Variants in CYP4Z1 observed in about 807,000 individuals in gnomAD.
The protein encoded by CYP4Z1 is cytochrome P450 family 4 subfamily Z member 1, also known as cytochrome P450 4Z1.
In CYP4Z1, 41 loss-of-function variants were observed where a neutral mutation model predicts 54.2. That is an observed-to-expected ratio of 0.76 (90% CI 0.59 to 0.98). The LOEUF is 0.98. CYP4Z1 is among the 50% of genes least tolerant of loss of function. CYP4Z1 has a pLI of 0.00. For synonymous variants in CYP4Z1, 163 were observed against 206.2 expected, an observed-to-expected ratio of 0.79 and a Z score of 1.79; for missense variants, 513 against 599.0, an observed-to-expected ratio of 0.86 and a Z score of 1.50.
chr1:47,101,257 T>C (rs1644719553), intron 8 of CYP4Z1, among the ~76,000 whole-genome samples: 1 of 152,178 alleles, frequency 6.6e-6, no homozygotes, highest in Non-Finnish European at 1.5e-5. Context: ...TTAGTTCTGC[T>C]CTGATCTTTG....
intron 2 of CYP4Z1, among the ~76,000 whole-genome samples, chr1:47,078,327 T>G (rs370809237): frequency 1.5e-3 from 231 of 152,280 alleles, no homozygotes; most frequent in African/African-American, 3.7e-3. Flanking sequence ...TGAAACCTTA[T>G]GAACTTTTTA....
chr1:47,108,224 C>A (rs1419224340), intron 9 of CYP4Z1, among the ~76,000 whole-genome samples: 1 of 152,112 alleles, frequency 6.6e-6, no homozygotes, highest in Non-Finnish European at 1.5e-5. Flanking sequence ...CCCTCTCATA[C>A]ACACAGGCAC....
rs1644831457 is a variant in CYP4Z1, at chr1:47,116,570, ATTTCGTTTTTGT to A, written c.1267-76_1267-65del. 1.8e-5 allele frequency: 17 copies of A among 919,932 alleles called. No individual in the cohort carries two copies. The South Asian group carries it at 2.4e-4, about 13-fold the overall frequency. 57.0% of individuals were successfully genotyped at this position (919,932 alleles called of 1,614,324 possible). ...GGAATTCTGTTAACAATATCTATGG[ATTTCGTTTTTGT>A]TTTTGTTTTTGTTTTTTGTGGGGGT... On this transcript the variant is annotated intron_variant, in intron 10 of 11. Coordinates refer to ENST00000334194, the MANE Select transcript of CYP4Z1 (RefSeq NM_178134.3).
At chr1:47,085,179 T>C (rs1477730570) in intron 6 of CYP4Z1, among the ~76,000 whole-genome samples, 1 of 152,244 alleles carries the variant, frequency 6.6e-6, no homozygotes. Flanking sequence ...TAGCTGTATT[T>C]TAATGTTTGG....
At chr1:47,062,922 G>A (rs1644431543), upstream of CYP4Z1, among the ~76,000 whole-genome samples, 1 of 152,118 alleles carries the variant, frequency 6.6e-6, no homozygotes, top group African/African-American at 2.4e-5. Context: ...CTGGCTGGAG[G>A]CCAACCAACA....
At chr1:47,101,809 T>TA (rs1049672166) in intron 8 of CYP4Z1, among the ~76,000 whole-genome samples, 2 of 152,092 alleles carry the variant, frequency 1.3e-5, no homozygotes, top group African/African-American at 4.8e-5. Flanking sequence ...TATAAATTAA[T>TA]AAATTTATAA....
At chr1:47,105,176 T>G (rs1569749081) in intron 8 of CYP4Z1, among the ~76,000 whole-genome samples, 1 of 134,316 alleles carries the variant, frequency 7.4e-6, no homozygotes, top group Admixed American at 7.4e-5. Flanking sequence ...TGGCAGTGGC[T>G]CCCACCTTGG....
At chr1:47,092,367 G>A (rs1356873017) in intron 6 of CYP4Z1, among the ~76,000 whole-genome samples, 3 of 151,828 alleles carry the variant, frequency 2.0e-5, no homozygotes, top group Non-Finnish European at 4.4e-5. Flanking sequence ...GTTCTCTAAG[G>A]TGCTATCTGG....
At chr1:47,060,708 T>C in the CYP4Z1 span, among the ~76,000 whole-genome samples, 23 of 152,212 alleles carry the variant, frequency 1.5e-4, no homozygotes, top group Non-Finnish European at 2.8e-4. Flanking sequence ...ATAGATCTGA[T>C]AGACCTCTAC....
intron 9 of CYP4Z1, among the ~76,000 whole-genome samples, chr1:47,112,431 A>G (rs1644798107): frequency 6.6e-6 from 1 of 152,232 alleles, no homozygotes; most frequent in African/African-American, 2.4e-5. Context: ...TGTAAAGACC[A>G]TATAATCCCA....
At chr1:47,093,472 A>T (rs984291813) in intron 6 of CYP4Z1, among the ~76,000 whole-genome samples, 14 of 152,240 alleles carry the variant, frequency 9.2e-5, no homozygotes, top group Non-Finnish European at 1.6e-4. Context: ...TCCCCAAAAT[A>T]TGAGAGACTG....
At chr1:47,067,759 T>C (rs1178802522) in intron 1 of CYP4Z1, 92 bp downstream of exon 1, 3 of 1,211,676 alleles carry the variant, frequency 2.5e-6, no homozygotes, top group African/African-American at 3.1e-5. Context: ...TTATGTAATA[T>C]GCAAAATGCT....
intron 7 of CYP4Z1, chr1:47,096,557 C>T (rs1417691272): frequency 6.6e-6 from 1 of 151,296 alleles, no homozygotes; most frequent in Non-Finnish European, 1.5e-5. Flanking sequence ...CATAGGTAAA[C>T]ATGTGCCATA....
intron 2 of CYP4Z1, among the ~76,000 whole-genome samples, chr1:47,077,211 A>G (rs920142785): frequency 1.7e-4 from 26 of 151,966 alleles, no homozygotes; most frequent in Admixed American, 6.6e-4. Flanking sequence ...AGAACTGTCT[A>G]TTTCTCCCTT....
intron 6 of CYP4Z1, among the ~76,000 whole-genome samples, chr1:47,091,521 T>TTAGC (rs1409571804): frequency 6.7e-6 from 1 of 149,008 alleles, no homozygotes; most frequent in Non-Finnish European, 1.5e-5. Flanking sequence ...GGTATAAATG[T>TTAGC]TAGCTACCTT....
At chr1:47,061,020 C>T in the CYP4Z1 span, among the ~76,000 whole-genome samples, 4 of 152,090 alleles carry the variant, frequency 2.6e-5, no homozygotes, top group East Asian at 1.9e-4. Flanking sequence ...AAAGGTAGAA[C>T]ATACCAGAAT....
chr1:47,066,958 T>C (rs901212486), upstream of CYP4Z1, among the ~76,000 whole-genome samples: 2 of 152,038 alleles, frequency 1.3e-5, no homozygotes, highest in Non-Finnish European at 2.9e-5. Context: ...GTTCATTAAA[T>C]GTAACAAGTG....
chr1:47,060,880 A>G, the CYP4Z1 span, among the ~76,000 whole-genome samples: 367 of 152,324 alleles, frequency 2.4e-3, 1 homozygote, highest in Non-Finnish European at 3.9e-3. Flanking sequence ...CAATAAAAAT[A>G]GAAGTCAAGA....
intron 2 of CYP4Z1, among the ~76,000 whole-genome samples, chr1:47,078,636 T>C (rs1644542478): frequency 7.6e-6 from 1 of 131,686 alleles, no homozygotes. Context: ...AACTGAACAT[T>C]TTAAATGTTA....
Sources: allele counts gnomAD v4.1 joint callset (sites outside exome capture counted in the v4.1 genomes callset), GRCh38; gene constraint gnomAD v4.1.1; transcripts MANE v1.5; gene names NCBI Gene and HGNC (gene_info 2026-07-23, HGNC 2026-07-21).